Variants in WASF3 observed in about 807,000 individuals in gnomAD.
WASF3 encodes the protein WASP family member 3, also known as actin-binding protein WASF3.
A neutral mutation model predicts 46.6 loss-of-function variants in WASF3; 11 were observed. That is an observed-to-expected ratio of 0.24 (90% CI 0.15 to 0.39). The LOEUF is 0.39. Ranked by LOEUF, WASF3 falls within the 10% of genes least tolerant of loss-of-function variation. The probability of loss-of-function intolerance (pLI) is 1.00; values close to 1 mark genes in which losing one functional copy is unlikely to be tolerated. For synonymous variants in WASF3, 242 were observed against 259.7 expected (o/e 0.93, Z 0.65); for missense variants, 576 against 669.8 (o/e 0.86, Z 1.55).
At chr13:26,590,640 A>T (rs1235080653) in intron 1 of WASF3, among the ~76,000 whole-genome samples, 2 of 152,222 alleles carry the variant, frequency 1.3e-5, no homozygotes, top group African/African-American at 2.4e-5. Context: ...ATATGTCAAA[A>T]GTCTGCTAAG....
chr13:26,680,184 G>A, intron 7 of WASF3: 4 of 1,582,858 alleles, frequency 2.5e-6, no homozygotes, highest in Non-Finnish European at 3.4e-6. Flanking sequence ...GCGCCAAAGA[G>A]GACAGAGTGC....
At chr13:26,575,880 C>T (rs1330669623) in intron 1 of WASF3, among the ~76,000 whole-genome samples, 1 of 152,054 alleles carries the variant, frequency 6.6e-6, no homozygotes, top group African/African-American at 2.4e-5. Flanking sequence ...CTTTCATATG[C>T]GTAAAGTCTA....
At chr13:26,596,654 T>G (rs1880473122) in intron 1 of WASF3, among the ~76,000 whole-genome samples, 1 of 152,220 alleles carries the variant, frequency 6.6e-6, no homozygotes, top group South Asian at 2.1e-4. Context: ...TTAATGAGCT[T>G]CTTCGATCTG....
chr13:26,647,415 A>G (rs1224694940), intron 3 of WASF3, among the ~76,000 whole-genome samples: 1 of 152,120 alleles, frequency 6.6e-6, no homozygotes, highest in East Asian at 1.9e-4. Context: ...TCTTCAAATA[A>G]TGACAGTTTA....
intron 1 of WASF3, among the ~76,000 whole-genome samples, chr13:26,579,172 T>A (rs1413067667): frequency 1.1e-4 from 16 of 151,348 alleles, no homozygotes; most frequent in Admixed American, 3.3e-4. Context: ...GCGAATTTTT[T>A]AAGTTTTTTT....
At position 26,611,640 on chromosome 13, in the gene WASF3, G is replaced by T. The variant is rs1880981545; in HGVS notation, c.-108-1321G>T. Among the ~76,000 whole-genome samples, 3 of 152,066 alleles carry T rather than the reference G, an allele frequency of 2.0e-5. No homozygotes were observed. In the South Asian group the frequency reaches 6.2e-4, roughly 32 times the overall value. On this transcript the variant is annotated intron_variant, in intron 1 of 9. Coordinates refer to ENST00000335327, the MANE Select transcript of WASF3 (RefSeq NM_006646.6). ...TAGGCCTGGGTAATCTAAACCCAGGGATAATTTTCTGTATTTGGAAATAAG... is the reference window on the plus strand; with the variant it reads ...TAGGCCTGGGTAATCTAAACCCAGGTATAATTTTCTGTATTTGGAAATAAG...
At chr13:26,574,712 C>G (rs935954686) in intron 1 of WASF3, among the ~76,000 whole-genome samples, 18 of 151,992 alleles carry the variant, frequency 1.2e-4, no homozygotes, top group African/African-American at 4.4e-4. Flanking sequence ...GGTATATTTA[C>G]TCTGTTCATT....
chr13:26,622,263 A>T (rs996219142), intron 2 of WASF3, among the ~76,000 whole-genome samples: 2 of 152,220 alleles, frequency 1.3e-5, no homozygotes, highest in Non-Finnish European at 2.9e-5. Context: ...CTCAAAGGTC[A>T]GTCTTTAATG....
Position 26,682,892 on chromosome 13 carries a change from A to G in WASF3, c.1269A>G (p.Pro423=), listed in dbSNP as rs1207113546. 1 of 1,603,890 alleles carries G rather than the reference A, an allele frequency of 6.2e-7. No individual in the cohort carries two copies. Among genetic ancestry groups the G allele is most frequent in the Admixed American group, 1.7e-5 (1 of 59,142 alleles). Residue 423 remains proline (P), a synonymous_variant, in exon 9 of 10, where the codon CCA becomes CCG. Transcript: ENST00000335327. The surrounding 1 kb of genome is among the most constrained non-coding windows in gnomAD (Gnocchi z 4.4). Reference sequence around the variant, plus strand: ...CGTCCTCCCCAATGCATGGCCCCCCAGTAGCTGAGGCGAAGCGGCAAGAGC... The same window carrying G: ...CGTCCTCCCCAATGCATGGCCCCCCGGTAGCTGAGGCGAAGCGGCAAGAGC... ...SLSSSPMHGP[P]VAEAKRQEPA... is the part of the protein sequence containing the mutation.
rs1452840560 is a variant in WASF3 at position 26,595,990 on chromosome 13, G to A, written c.-108-16971G>A. On this transcript the variant is annotated intron_variant, in intron 1 of 9. Transcript: ENST00000335327. ...GTTTTTCTATGAATATATTTTCTCT[G>A]GGATAAATACCCATGAATGTGATTA... is the stretch of plus-strand genomic sequence containing the variant. 2.6e-5 allele frequency among the ~76,000 whole-genome samples: 4 copies of A among 152,204 alleles called. No individual in the cohort carries two copies. The East Asian group carries it at 7.7e-4, about 29-fold the overall frequency.
chr13:26,550,198 T>G, the WASF3 span, among the ~76,000 whole-genome samples: 1 of 152,286 alleles, frequency 6.6e-6, no homozygotes, highest in East Asian at 1.9e-4. Flanking sequence ...ATATGCTACA[T>G]CAGACTGCAG....
chr13:26,581,314 G>A (rs1322849741), intron 1 of WASF3, among the ~76,000 whole-genome samples: 1 of 152,050 alleles, frequency 6.6e-6, no homozygotes, highest in Non-Finnish European at 1.5e-5. Flanking sequence ...GGAATGTGGT[G>A]TCTTTTCCTA....
chr13:26,664,955 C>T, intron 3 of WASF3, 73 bp from the exon 4 acceptor site: 2 of 1,489,148 alleles, frequency 1.3e-6, no homozygotes, highest in Non-Finnish European at 1.9e-6. Context: ...GGAATAAGCA[C>T]TGGTGAGGAT....
At chr13:26,609,129 G>C (rs531319476) in intron 1 of WASF3, among the ~76,000 whole-genome samples, 1 of 152,278 alleles carries the variant, frequency 6.6e-6, no homozygotes, top group South Asian at 2.1e-4. Flanking sequence ...TTAACAATGA[G>C]TCATTTAGAT....
intron 2 of WASF3, among the ~76,000 whole-genome samples, chr13:26,634,469 G>A (rs905847200): frequency 1.3e-5 from 2 of 152,122 alleles, no homozygotes; most frequent in African/African-American, 4.8e-5. Context: ...TTTAATTGGG[G>A]CATTTAGCCC....
Position 26,686,134 on chromosome 13 carries a change from G to T in WASF3, c.*289G>T, listed in dbSNP as rs895644475. 6 of 358,350 alleles carry T rather than the reference G, an allele frequency of 1.7e-5. No individual in the cohort carries two copies. Among genetic ancestry groups the T allele is most frequent in the Non-Finnish European group, 3.1e-5 (6 of 194,242 alleles). 22.2% of individuals were successfully genotyped at this position (358,350 alleles called of 1,614,324 possible). On this transcript the variant is annotated 3_prime_UTR_variant, in exon 10 of 10. Transcript: ENST00000335327. ...CTTGGCCATGAGAGTATTTAGTGCA[G>T]TTTGGGTTTACTCTTACTGATCAAT...
chr13:26,558,421 C>T (rs1407363580), intron 1 of WASF3, among the ~76,000 whole-genome samples: 2 of 147,878 alleles, frequency 1.4e-5, no homozygotes, highest in Non-Finnish European at 3.0e-5. Flanking sequence ...CCAGGCCGGA[C>T]TCTTGGAGTG....
Position 26,631,914 on chromosome 13 carries a change from A to G in WASF3, c.-10-10347A>G, listed in dbSNP as rs1010834722. 9.2e-5 allele frequency among the ~76,000 whole-genome samples: 14 copies of G among 152,142 alleles called. 1 individual carries two copies. Among genetic ancestry groups the G allele is most frequent in the Admixed American group, 3.3e-4 (5 of 15,280 alleles). On this transcript the variant is annotated intron_variant, in intron 2 of 9. Transcript: ENST00000335327. ...TCCCTTGTAAGTTGGATTCCTAGGTATTTTATTCTCTTTGTAGCAATTGTG... is the reference window on the plus strand; with the variant it reads ...TCCCTTGTAAGTTGGATTCCTAGGTGTTTTATTCTCTTTGTAGCAATTGTG...
chr13:26,562,444 G>C (rs943623835), intron 1 of WASF3, among the ~76,000 whole-genome samples: 8 of 152,126 alleles, frequency 5.3e-5, no homozygotes, highest in African/African-American at 1.9e-4. Flanking sequence ...GAGAGTGAGG[G>C]AGTGGAGCCC....
Sources: gnomAD v4.1 joint callset for allele counts (sites outside exome capture counted in the v4.1 genomes callset) on GRCh38, gnomAD v4.1.1 for gene constraint, Gnocchi (gnomAD v3.1) non-coding constraint, MANE v1.5 for transcripts, NCBI Gene and HGNC (gene_info 2026-07-23, HGNC 2026-07-21) for gene names.